GNAQ: variants seen among roughly 807,000 people sequenced by gnomAD.
GNAQ encodes guanine nucleotide-binding protein G(q) subunit alpha.
In GNAQ, 8 loss-of-function variants were observed where a neutral mutation model predicts 43.9. The ratio of observed to expected loss-of-function variants is 0.18; its 90% CI spans 0.11 to 0.33. The LOEUF is 0.33. Ranked by LOEUF, GNAQ falls within the 10% of genes least tolerant of loss-of-function variation. The pLI is 1.00. For missense variants in GNAQ, 158 were observed against 450.8 expected (o/e 0.35, Z 5.88); for synonymous variants, 155 against 170.7 (o/e 0.91, Z 0.71).
intron 1 of GNAQ, among the ~76,000 whole-genome samples, chr9:77,931,914 A>G (rs185554538): frequency 3.9e-5 from 6 of 152,358 alleles, no homozygotes; most frequent in Admixed American, 3.9e-4. Context: ...ATCAAGTGCA[A>G]AAATGAGAGA....
chr9:77,853,097 T>G (rs1304402112), intron 2 of GNAQ, among the ~76,000 whole-genome samples: 1 of 152,184 alleles, frequency 6.6e-6, no homozygotes, highest in African/African-American at 2.4e-5. Context: ...GTAAGAATTG[T>G]TACCAACCAA....
intron 1 of GNAQ, among the ~76,000 whole-genome samples, chr9:77,945,120 A>C (rs931622775): frequency 4.6e-5 from 7 of 152,206 alleles, no homozygotes; most frequent in African/African-American, 1.7e-4. Flanking sequence ...ACTCAAATGT[A>C]AGTAGAAAAA....
intron 1 of GNAQ, among the ~76,000 whole-genome samples, chr9:77,946,297 A>G (rs981384474): frequency 1.3e-5 from 2 of 152,226 alleles, no homozygotes; most frequent in African/African-American, 4.8e-5. Flanking sequence ...ACCTGTTGAC[A>G]AAAGAAATTT....
intron 5 of GNAQ, among the ~76,000 whole-genome samples, chr9:77,750,708 A>G (rs76117692): frequency 0.043 from 6,608 of 152,214 alleles, 444 homozygotes; most frequent in African/African-American, 0.14. Flanking sequence ...TGGCTTGTTA[A>G]GAACACTTGC....
chr9:78,009,309 GCCACCA>G (rs146670150), intron 1 of GNAQ, among the ~76,000 whole-genome samples: 7 of 151,926 alleles, frequency 4.6e-5, no homozygotes, highest in Admixed American at 1.3e-4. Flanking sequence ...CCCGCCACCT[GCCACCA>G]CCACCACCAC....
At chr9:78,030,807 C>A (rs1266463936) in intron 1 of GNAQ, among the ~76,000 whole-genome samples, 1 of 152,136 alleles carries the variant, frequency 6.6e-6, no homozygotes, top group Non-Finnish European at 1.5e-5. Context: ...AGATAAGGTA[C>A]AGCCCTCAGG....
At chr9:77,790,109 T>C (rs1167149868) in intron 5 of GNAQ, among the ~76,000 whole-genome samples, 1 of 152,208 alleles carries the variant, frequency 6.6e-6, no homozygotes, top group Admixed American at 6.5e-5. Flanking sequence ...AATCAGGTCA[T>C]GAATCCAAGC....
At chr9:77,944,337 A>C (rs780496600) in intron 1 of GNAQ, among the ~76,000 whole-genome samples, 1 of 151,614 alleles carries the variant, frequency 6.6e-6, no homozygotes, top group Non-Finnish European at 1.5e-5. Context: ...GGCTCCATCA[A>C]ACAACCAATA....
Position 77,776,870 on chromosome 9 carries a change from T to C in GNAQ, c.735+17593A>G, listed in dbSNP as rs1372601941. On this transcript the variant is annotated intron_variant, in intron 5 of 6. Coordinates refer to ENST00000286548, the MANE Select transcript of GNAQ (RefSeq NM_002072.5). ...CTATCAAATCCCAGGTGCCTTTTTTTTTTTTTTTGGCAGAAACTCACAAGC... is the reference window on the plus strand; with the variant it reads ...CTATCAAATCCCAGGTGCCTTTTTTCTTTTTTTTGGCAGAAACTCACAAGC... Among the ~76,000 whole-genome samples the C allele has an allele frequency of 2.0e-5, 3 of 152,020 alleles. No homozygotes were observed. In the East Asian group the frequency reaches 5.8e-4, roughly 29 times the overall value.
chr9:77,929,909 C>T (rs1433305705), intron 1 of GNAQ, among the ~76,000 whole-genome samples: 1 of 152,116 alleles, frequency 6.6e-6, no homozygotes, highest in African/African-American at 2.4e-5. Flanking sequence ...CAATTATTCT[C>T]TGATACTAAT....
intron 1 of GNAQ, among the ~76,000 whole-genome samples, chr9:77,943,777 C>A (rs1478351610): frequency 6.6e-6 from 1 of 151,340 alleles, no homozygotes; most frequent in African/African-American, 2.4e-5. Context: ...AATTCTCCTG[C>A]CTCAGCCTCC....
intron 4 of GNAQ, among the ~76,000 whole-genome samples, 177 bp from the exon 5 acceptor site, chr9:77,794,769 A>G (rs886754263): frequency 2.0e-5 from 3 of 152,176 alleles, no homozygotes; most frequent in African/African-American, 7.2e-5. Flanking sequence ...CTAATATTCA[A>G]AGTTAAAACA....
chr9:77,939,243 T>C (rs915806930), intron 1 of GNAQ, among the ~76,000 whole-genome samples: 2 of 152,200 alleles, frequency 1.3e-5, no homozygotes, highest in Non-Finnish European at 2.9e-5. Context: ...GCAATGGCCA[T>C]GAAACTCTAC....
chr9:77,747,337 T>C (rs1339713242), intron 5 of GNAQ, among the ~76,000 whole-genome samples: 1 of 152,244 alleles, frequency 6.6e-6, no homozygotes, highest in African/African-American at 2.4e-5. Flanking sequence ...GTTTGATAAA[T>C]GTCACAGAGA....
chr9:77,783,230 T>A (rs1826423899), intron 5 of GNAQ, among the ~76,000 whole-genome samples: 1 of 152,202 alleles, frequency 6.6e-6, no homozygotes, highest in Non-Finnish European at 1.5e-5. Flanking sequence ...TATTCCTGCA[T>A]GTGGGGTAGA....
Position 78,012,325 on chromosome 9 carries a change from C to T in GNAQ, c.136+18775G>A, listed in dbSNP as rs536085156. On this transcript the variant is annotated intron_variant, in intron 1 of 6. Transcript: ENST00000286548. ...CAATCTCAGCTCACTGCAACCTCCA[C>T]CTCCCAGGTTCAAGTGACTCTCCTG... Among the ~76,000 whole-genome samples, 236 of 151,512 alleles carry T rather than the reference C, an allele frequency of 1.6e-3. 1 individual carries two copies. Among genetic ancestry groups the T allele is most frequent in the Non-Finnish European group, 2.8e-3 (188 of 67,966 alleles).
In GNAQ at chr9:77,882,420, T is replaced by A. The variant is rs368729890; in HGVS notation, c.321+39741A>T. On this transcript the variant is annotated intron_variant, in intron 2 of 6. Coordinates refer to ENST00000286548, the MANE Select transcript of GNAQ (RefSeq NM_002072.5). ...AAACCTTTGACCCAGCAAATTACAC[T>A]TCTAAGAATTTAACTAAAGGTTGCA... Among the ~76,000 whole-genome samples the A allele has an allele frequency of 1.2e-4, 18 of 152,320 alleles. No homozygotes were observed. In the East Asian group the frequency reaches 2.7e-3, roughly 23 times the overall value.
chr9:77,960,999 T>C lies in GNAQ; in HGVS notation c.137-38654A>G, dbSNP rs182355517. On this transcript the variant is annotated intron_variant, in intron 1 of 6. Transcript: ENST00000286548. The stretch of plus-strand genomic sequence containing the variant: ...ATTTCATTATTTGAAACACATAGTT[T>C]GGATTCCAACAAACAGAACAGTTCA... Among the ~76,000 whole-genome samples the C allele has an allele frequency of 3.6e-3, 555 of 152,356 alleles. 4 individuals carry two copies. The highest frequency in any genetic ancestry group is 6.7e-3 in the Non-Finnish European group (455 of 68,032).
At chr9:77,735,613 T>C (rs1825565572) in intron 5 of GNAQ, among the ~76,000 whole-genome samples, 1 of 152,224 alleles carries the variant, frequency 6.6e-6, no homozygotes, top group African/African-American at 2.4e-5. Flanking sequence ...CACATTGTTA[T>C]GTGTCCTATC....
Sources: gnomAD v4.1 joint callset for allele counts (sites outside exome capture counted in the v4.1 genomes callset) on GRCh38, gnomAD v4.1.1 for gene constraint, MANE v1.5 for transcripts, NCBI Gene and HGNC (gene_info 2026-07-23, HGNC 2026-07-21) for gene names.